The following EPB41L2 variants were observed in gnomAD, a reference collection of about 807,000 sequenced individuals.
EPB41L2 encodes erythrocyte membrane protein band 4.1 like 2.
A neutral mutation model predicts 113.0 loss-of-function variants in EPB41L2; 43 were observed. The ratio of observed to expected loss-of-function variants is 0.38; its 90% CI spans 0.30 to 0.49. EPB41L2 has a LOEUF of 0.49. EPB41L2 is among the 20% of genes least tolerant of loss of function. The pLI, the probability that EPB41L2 is intolerant of heterozygous loss-of-function variation, is 0.95. For missense variants in EPB41L2, 1,147 were observed against 1,223.4 expected (o/e 0.94, Z 0.93); for synonymous variants, 442 against 436.7 (o/e 1.01, Z -0.15).
At chr6:131,025,860 T>C (rs1203653496) in intron 1 of EPB41L2, among the ~76,000 whole-genome samples, 4 of 152,154 alleles carry the variant, frequency 2.6e-5, no homozygotes, top group Admixed American at 6.5e-5. Context: ...CCACTTCAAA[T>C]TGTATGCAGT....
intron 11 of EPB41L2, among the ~76,000 whole-genome samples, chr6:130,887,442 G>GCACATAAACC (rs902927476): frequency 6.6e-5 from 10 of 152,182 alleles, no homozygotes; most frequent in Admixed American, 3.9e-4. Context: ...GCTCTTGCGG[G>GCACATAAACC]CACATAAACC....
intron 3 of EPB41L2, 107 bp from the exon 4 acceptor site, chr6:130,926,816 A>G: frequency 2.9e-6 from 2 of 692,926 alleles, no homozygotes; most frequent in South Asian, 4.2e-5. Flanking sequence ...TTAACATTAA[A>G]TATTTGTTTT....
chr6:130,985,136 C>T (rs186097423), intron 1 of EPB41L2, among the ~76,000 whole-genome samples: 2 of 152,292 alleles, frequency 1.3e-5, no homozygotes, highest in East Asian at 3.9e-4. Flanking sequence ...AAACGCACAA[C>T]CCAGAGTGAG....
At chr6:130,942,167 C>A (rs1811108150) in intron 3 of EPB41L2, among the ~76,000 whole-genome samples, 1 of 152,108 alleles carries the variant, frequency 6.6e-6, no homozygotes, top group Non-Finnish European at 1.5e-5. Context: ...TCCATGTTTC[C>A]ACTTGGCCAC....
chr6:130,894,582 T>G, intron 9 of EPB41L2, 141 bp from the exon 10 acceptor site: 1 of 703,776 alleles, frequency 1.4e-6, no homozygotes, highest in South Asian at 2.0e-5. Flanking sequence ...AATATAATCA[T>G]ATAAAGATGA....
At chr6:130,905,422 CTTTT>C (rs11389706) in intron 5 of EPB41L2, among the ~76,000 whole-genome samples, 1 of 144,422 alleles carries the variant, frequency 6.9e-6, no homozygotes, top group African/African-American at 2.5e-5. Context: ...TATGTTATTC[CTTTT>C]TTTTTTTTCT....
intron 19 of EPB41L2, among the ~76,000 whole-genome samples, chr6:130,846,423 C>CCATTT (rs1265033967): frequency 1.3e-5 from 2 of 152,184 alleles, no homozygotes; most frequent in Non-Finnish European, 2.9e-5. Flanking sequence ...GGTCCTGAGA[C>CCATTT]CATTCAGTTT....
chr6:131,037,899 A>G (rs1415197419), intron 1 of EPB41L2, among the ~76,000 whole-genome samples: 1 of 152,150 alleles, frequency 6.6e-6, no homozygotes, highest in Non-Finnish European at 1.5e-5. Context: ...CTAAAAACCT[A>G]AAACATTTAA....
At chr6:130,880,711 G>C (rs961292716) in intron 12 of EPB41L2, 1 of 404,772 alleles carries the variant, frequency 2.5e-6, no homozygotes, top group African/African-American at 2.1e-5. Flanking sequence ...TGGAATGGAG[G>C]ATGGAAGCTT....
chr6:131,043,043 A>C (rs1178131471), intron 1 of EPB41L2, among the ~76,000 whole-genome samples: 1 of 152,214 alleles, frequency 6.6e-6, no homozygotes, highest in African/African-American at 2.4e-5. Flanking sequence ...TCAGGCCTGT[A>C]ATCCCAACAG....
intron 10 of EPB41L2, among the ~76,000 whole-genome samples, chr6:130,891,490 C>T (rs921520062): frequency 5.9e-5 from 9 of 151,928 alleles, no homozygotes; most frequent in Non-Finnish European, 1.3e-4. Context: ...GCTCTGTCAC[C>T]CAGGCTAGAG....
chr6:130,932,577 T>C (rs1252609858), intron 3 of EPB41L2, among the ~76,000 whole-genome samples: 4 of 152,202 alleles, frequency 2.6e-5, no homozygotes, highest in African/African-American at 9.7e-5. Flanking sequence ...CTACCTCTAC[T>C]TGTATACAAA....
chr6:130,992,484 A>G (rs1057192676), intron 1 of EPB41L2, among the ~76,000 whole-genome samples: 10 of 152,178 alleles, frequency 6.6e-5, no homozygotes, highest in Non-Finnish European at 1.2e-4. Flanking sequence ...TAATTCATTA[A>G]GTGGTGTACA....
chr6:131,000,156 T>TAA (rs200476283), intron 1 of EPB41L2, among the ~76,000 whole-genome samples: 11 of 147,948 alleles, frequency 7.4e-5, no homozygotes, highest in Non-Finnish European at 1.2e-4. Flanking sequence ...AGTGGCTTTT[T>TAA]AAAAAAAAAA....
intron 1 of EPB41L2, among the ~76,000 whole-genome samples, chr6:131,006,223 ATTTTGT>A (rs1785481224): frequency 6.6e-6 from 1 of 151,542 alleles, no homozygotes; most frequent in Non-Finnish European, 1.5e-5. Flanking sequence ...CACTAGGGTA[ATTTTGT>A]ATTTTTTAGT....
chr6:130,996,398 A>T (rs1783115221), intron 1 of EPB41L2, among the ~76,000 whole-genome samples: 1 of 152,164 alleles, frequency 6.6e-6, no homozygotes, highest in Non-Finnish European at 1.5e-5. Flanking sequence ...CCCCTCCAGG[A>T]CGGGTCAGGG....
chr6:130,846,872 T>C (rs1281875228), intron 19 of EPB41L2, among the ~76,000 whole-genome samples: 2 of 152,240 alleles, frequency 1.3e-5, no homozygotes, highest in South Asian at 4.1e-4. Context: ...GATGTTCCTA[T>C]GATATTTTAC....
At chr6:131,024,613 C>T (rs1208818292) in intron 1 of EPB41L2, among the ~76,000 whole-genome samples, 4 of 152,164 alleles carry the variant, frequency 2.6e-5, no homozygotes, top group Admixed American at 6.5e-5. Context: ...GCTCTTTGAG[C>T]GCAAGGACCG....
chr6:130,876,872 G>A, intron 14 of EPB41L2: 1 of 579,364 alleles, frequency 1.7e-6, no homozygotes, highest in Non-Finnish European at 2.6e-6. Context: ...GTGGGTCAAT[G>A]ACACACACCA....
Sources: allele counts gnomAD v4.1 joint callset (sites outside exome capture counted in the v4.1 genomes callset), GRCh38; gene constraint gnomAD v4.1.1; transcripts MANE v1.5; gene names NCBI Gene and HGNC (gene_info 2026-07-23, HGNC 2026-07-21).